Variants in XYLT1 observed in about 807,000 individuals in gnomAD.
XYLT1 encodes the protein beta-D-xylosyltransferase 1.
A neutral mutation model predicts 91.3 loss-of-function variants in XYLT1; 36 were observed. The ratio of observed to expected loss-of-function variants is 0.39; its 90% CI spans 0.30 to 0.52. The LOEUF is 0.52. XYLT1 is among the 20% of genes least tolerant of loss of function. XYLT1 has a pLI of 0.68. For synonymous variants in XYLT1, 588 were observed against 532.0 expected (o/e 1.11, Z -1.45); for missense variants, 1,242 against 1,284.5 (o/e 0.97, Z 0.51).
intron 3 of XYLT1, among the ~76,000 whole-genome samples, chr16:17,228,253 G>A (rs569220064): frequency 2.1e-4 from 32 of 152,188 alleles, no homozygotes; most frequent in Non-Finnish European, 3.8e-4. Context: ...ATTCCCGATT[G>A]ACAGGATTAG....
At chr16:17,201,614 A>G (rs2032544251) in intron 3 of XYLT1, among the ~76,000 whole-genome samples, 1 of 151,752 alleles carries the variant, frequency 6.6e-6, no homozygotes, top group African/African-American at 2.4e-5. Flanking sequence ...AGCTGAGATT[A>G]CAGGCACGCA....
At chr16:17,380,434 A>G (rs1019839128) in intron 1 of XYLT1, among the ~76,000 whole-genome samples, 1 of 152,230 alleles carries the variant, frequency 6.6e-6, no homozygotes, top group African/African-American at 2.4e-5. Flanking sequence ...ATTGTTAGCA[A>G]TGATTCCTTT....
chr16:17,344,917 T>A (rs1206144455), intron 2 of XYLT1, among the ~76,000 whole-genome samples: 3 of 152,158 alleles, frequency 2.0e-5, no homozygotes, highest in Middle Eastern at 3.4e-3. Flanking sequence ...GCCAGGCTGG[T>A]CTCAAACTCC....
chr16:17,189,685 C>T lies in XYLT1; in HGVS notation c.1289+8527G>A, dbSNP rs1030994927. Among the ~76,000 whole-genome samples, 17 of 152,132 alleles carry T rather than the reference C, an allele frequency of 1.1e-4. No homozygotes were observed. In the East Asian group the frequency reaches 1.2e-3, roughly 10 times the overall value. On this transcript the variant is annotated intron_variant, in intron 5 of 11. Transcript: ENST00000261381. Reference sequence around the variant, plus strand: ...ATGCTACGATGCAGATGAACCTCAACGATATTAAGCTAAGTGAAATAAGCA... The same window carrying T: ...ATGCTACGATGCAGATGAACCTCAATGATATTAAGCTAAGTGAAATAAGCA...
At position 17,341,223 on chromosome 16, in the gene XYLT1, GA is replaced by G. The variant is rs201016460; in HGVS notation, c.402+16788del. 4.4e-3 allele frequency among the ~76,000 whole-genome samples: 664 copies of G among 152,116 alleles called. 19 individuals are homozygous for G. Among genetic ancestry groups the G allele is most frequent in the Admixed American group, 0.039 (603 of 15,278 alleles). On this transcript the variant is annotated intron_variant, in intron 2 of 11. Coordinates refer to ENST00000261381, the MANE Select transcript of XYLT1 (RefSeq NM_022166.4). ...AAGGCAGCATAGTTTAAAATAGGGGGAAAAAAACCAATCTAAATGTCTACCA... is the reference window on the plus strand; with the variant it reads ...AAGGCAGCATAGTTTAAAATAGGGGGAAAAAACCAATCTAAATGTCTACCA...
chr16:17,346,100 C>T (rs1180284571), intron 2 of XYLT1, among the ~76,000 whole-genome samples: 4 of 152,158 alleles, frequency 2.6e-5, no homozygotes, highest in African/African-American at 4.8e-5. Flanking sequence ...CGTGAGCCAC[C>T]GAGCCCGGCC....
At position 17,134,661 on chromosome 16, in the gene XYLT1, G is replaced by T. The variant is rs1364011934; in HGVS notation, c.1839C>A (p.Asp613Glu). Residue 613 changes from aspartate (D) to glutamate (E), a missense_variant, in exon 9 of 12, where the codon GAC (aspartate) becomes GAA (glutamate). Around this residue, in one of 3 missense-constraint regions of XYLT1, gnomAD observed 511 missense variants for 497.0 expected, o/e 1.03. Coordinates refer to ENST00000261381, the MANE Select transcript of XYLT1 (RefSeq NM_022166.4). ...VVNQEIIGQL[D>E]YYLYGNYPAG... ...CAGGGTAGTTCCCGTACAGGTAATA[G>T]TCCAGCTGCCCAATGATTTCCTGAT... is the stretch of plus-strand genomic sequence containing the variant. 6.2e-7 allele frequency: 1 copy of T among 1,614,198 alleles called. No homozygotes were observed.
chr16:17,415,093 A>G (rs1275929119), intron 1 of XYLT1, among the ~76,000 whole-genome samples: 1 of 152,124 alleles, frequency 6.6e-6, no homozygotes, highest in South Asian at 2.1e-4. Flanking sequence ...GTTCATTCCC[A>G]TTTTGCAGAA....
chr16:17,208,818 G>A (rs532166318), intron 3 of XYLT1, among the ~76,000 whole-genome samples: 13 of 152,188 alleles, frequency 8.5e-5, no homozygotes, highest in South Asian at 2.1e-4. Flanking sequence ...TCCACCTCCC[G>A]GGTTCAAGCG....
chr16:17,121,174 G>A (rs936321820), intron 10 of XYLT1, among the ~76,000 whole-genome samples: 1 of 152,204 alleles, frequency 6.6e-6, no homozygotes, highest in African/African-American at 2.4e-5. Context: ...TTAAGGAGGT[G>A]ATTTTTCACC....
intron 1 of XYLT1, among the ~76,000 whole-genome samples, chr16:17,469,517 T>C (rs2036948748): frequency 6.6e-6 from 1 of 152,134 alleles, no homozygotes; most frequent in Non-Finnish European, 1.5e-5. Flanking sequence ...GTGGGAAAGG[T>C]ATCCCTGGAG....
At chr16:17,332,569 C>CACACAT (rs2034915474) in intron 2 of XYLT1, among the ~76,000 whole-genome samples, 2 of 41,892 alleles carry the variant, frequency 4.8e-5, no homozygotes, top group Non-Finnish European at 1.1e-4. Context: ...CACACACATA[C>CACACAT]ACACACACAC....
At chr16:17,222,516 G>T (rs542839966) in intron 3 of XYLT1, among the ~76,000 whole-genome samples, 2 of 152,210 alleles carry the variant, frequency 1.3e-5, no homozygotes, top group Non-Finnish European at 2.9e-5. Flanking sequence ...TAGACCGGGC[G>T]CAGTGGCTTA....
intron 1 of XYLT1, among the ~76,000 whole-genome samples, chr16:17,360,689 T>C (rs954758907): frequency 2.6e-5 from 4 of 152,172 alleles, no homozygotes; most frequent in Non-Finnish European, 5.9e-5. Flanking sequence ...ATCTGTGAGG[T>C]CTCGCTTTCA....
chr16:17,372,775 C>T (rs2035552446), intron 1 of XYLT1, among the ~76,000 whole-genome samples: 1 of 152,128 alleles, frequency 6.6e-6, no homozygotes, highest in Non-Finnish European at 1.5e-5. Flanking sequence ...TACTTGAGAT[C>T]TTGGTGCCTC....
At chr16:17,268,438 G>A (rs1260159388) in intron 2 of XYLT1, among the ~76,000 whole-genome samples, 1 of 152,144 alleles carries the variant, frequency 6.6e-6, no homozygotes, top group Non-Finnish European at 1.5e-5. Flanking sequence ...GCTCTTTGGT[G>A]TTCCTCAATA....
chr16:17,358,159 T>TCG, intron 1 of XYLT1, 109 bp from the exon 2 acceptor site: 1 of 1,150,038 alleles, frequency 8.7e-7, no homozygotes, highest in Non-Finnish European at 1.2e-6. Flanking sequence ...AGACAGGGTC[T>TCG]CGCTTTGTTG....
intron 3 of XYLT1, among the ~76,000 whole-genome samples, chr16:17,233,606 T>C (rs1189007792): frequency 6.6e-6 from 1 of 152,246 alleles, no homozygotes; most frequent in Non-Finnish European, 1.5e-5. Flanking sequence ...CACTCTGTTG[T>C]GCTGCTTTGT....
intron 1 of XYLT1, among the ~76,000 whole-genome samples, chr16:17,460,709 C>G (rs1295790178): frequency 6.6e-6 from 1 of 152,130 alleles, no homozygotes; most frequent in African/African-American, 2.4e-5. Context: ...AAGCAAGCAC[C>G]GTGGACCCTG....
Sources: allele counts gnomAD v4.1 joint callset (sites outside exome capture counted in the v4.1 genomes callset), GRCh38; gene constraint gnomAD v4.1.1; regional missense constraint gnomAD v4.1.1; transcripts MANE v1.5; gene names NCBI Gene and HGNC (gene_info 2026-07-23, HGNC 2026-07-21).